Variants in MCOLN2 observed in about 807,000 individuals in gnomAD.
MCOLN2 encodes the protein mucolipin TRP cation channel 2.
A neutral mutation model predicts 67.5 loss-of-function variants in MCOLN2; 57 were observed. That is an observed-to-expected ratio of 0.84 (90% confidence interval 0.68 to 1.05). The LOEUF (loss-of-function observed/expected upper bound fraction) is 1.05. Among genes scored for constraint, MCOLN2 ranks in the 50% least tolerant of loss-of-function variants. The probability of loss-of-function intolerance (pLI) is 0.00; values close to 1 mark genes in which losing one functional copy is unlikely to be tolerated. For synonymous variants in MCOLN2, 246 were observed against 233.3 expected, an observed-to-expected ratio of 1.05 and a Z score of -0.50; for missense variants, 620 against 678.8, an observed-to-expected ratio of 0.91 and a Z score of 0.96.
intron 1 of MCOLN2, among the ~76,000 whole-genome samples, chr1:84,971,599 A>T (rs866564149): frequency 2.0e-4 from 31 of 152,088 alleles, no homozygotes; most frequent in African/African-American, 7.2e-4. Context: ...TGCAAAGTAA[A>T]GAGGGAAAAA....
rs1422711006 is a variant in MCOLN2, at chr1:84,931,605, G to A, written c.1336-37C>T. The A allele has an allele frequency of 2.1e-5, 32 of 1,533,976 alleles. No individual in the cohort carries two copies. The Admixed American group carries it at 5.2e-4, about 25-fold the overall frequency. ...AATAAAAACTAGTTTCTGAAATAGAGTATTCTAAAAAGCAGAGGATATCTA... is the reference window on the plus strand; with the variant it reads ...AATAAAAACTAGTTTCTGAAATAGAATATTCTAAAAAGCAGAGGATATCTA... On this transcript the variant is annotated intron_variant, in intron 11 of 13. Transcript: ENST00000370608.
rs1256532669 is a variant in MCOLN2 at position 84,929,932 on chromosome 1, T to TA, written c.1543-254_1543-253insT. ...GAGAAGAGCCAGGGAGAGGTTTTTT[T>TA]TAAAAAAAAAAAAGGTAATGAAGGA... On this transcript the variant is annotated intron_variant, in intron 12 of 13. Transcript: ENST00000370608. 2,146 of 229,552 alleles carry TA rather than the reference T, an allele frequency of 9.3e-3. 2 individuals are homozygous for TA. The highest frequency in any genetic ancestry group is 0.019 in the Middle Eastern group (13 of 696). The allele number at this position is 229,552 out of a possible 1,614,324, so 14.2% of individuals were successfully genotyped here. A position where few individuals can be genotyped will look rare whatever the true frequency, so the allele number is the denominator to read the frequency against.
In MCOLN2 at chr1:84,971,499, T is replaced by TACAC. The variant is rs71097870; in HGVS notation, c.78-5795_78-5792dup. Reference sequence around the variant, plus strand: ...GTAGATGAAGGGTATTAAACAGACATACACACACACACACACACACACACA... The same window carrying TACAC: ...GTAGATGAAGGGTATTAAACAGACATACACACACACACACACACACACACACACA... On this transcript the variant is annotated intron_variant, in intron 1 of 13. Transcript: ENST00000370608. Among the ~76,000 whole-genome samples the TACAC allele has an allele frequency of 8.7e-3, 1,148 of 132,218 alleles. 8 individuals are homozygous for TACAC. The highest frequency in any genetic ancestry group is 0.012 in the South Asian group (44 of 3,734). 86.7% of individuals were successfully genotyped at this position (132,218 alleles called of 152,430 possible). A position where few individuals can be genotyped will look rare whatever the true frequency, so the allele number is the denominator to read the frequency against.
intron 8 of MCOLN2, 50 bp from the exon 9 acceptor site, chr1:84,939,752 G>T (rs1647644896): frequency 6.3e-7 from 1 of 1,590,198 alleles, no homozygotes; most frequent in South Asian, 1.1e-5. Context: ...ACTGCCCTCT[G>T]GAAGAAGAAG....
Position 84,952,136 on chromosome 1 carries a change from A to C in MCOLN2, c.747+107T>G, listed in dbSNP as rs680330. On this transcript the variant is annotated intron_variant, in intron 6 of 13. Coordinates refer to ENST00000370608, the MANE Select transcript of MCOLN2 (RefSeq NM_153259.4). ...TTGTATCACTAAATCTGTTTTAAACATGACTGCATTTAACACATCTGTAGG... is the reference window on the plus strand; with the variant it reads ...TTGTATCACTAAATCTGTTTTAAACCTGACTGCATTTAACACATCTGTAGG... 14,644 of 692,348 alleles carry C rather than the reference A, an allele frequency of 0.021. 1,667 individuals carry two copies. The African/African-American group carries it at 0.24, about 11-fold the overall frequency. 42.9% of individuals were successfully genotyped at this position (692,348 alleles called of 1,614,324 possible).
intron 7 of MCOLN2, among the ~76,000 whole-genome samples, chr1:84,945,070 T>C (rs914132831): frequency 7.1e-6 from 1 of 141,012 alleles, no homozygotes; most frequent in Non-Finnish European, 1.5e-5. Flanking sequence ...TATGTAAATC[T>C]TAAAAGAGCT....
At position 84,965,654 on chromosome 1, in the gene MCOLN2, G is replaced by A; in HGVS notation, c.132C>T (p.Asp44=). The part of the protein sequence containing the change: ...SEMKEECLRE[D]LKFYFMSPCE... ...AAGGGCTCATGAAGTAAAACTTCAGGTCTTCCCTTAGACATTCTTCTTTCA... is the reference window on the plus strand; with the variant it reads ...AAGGGCTCATGAAGTAAAACTTCAGATCTTCCCTTAGACATTCTTCTTTCA... Residue 44 remains aspartate, a synonymous_variant, in exon 2 of 14, where the codon GAC becomes GAT. Coordinates refer to ENST00000370608, the MANE Select transcript of MCOLN2 (RefSeq NM_153259.4). The A allele has an allele frequency of 6.2e-7, 1 of 1,613,940 alleles. No homozygotes were observed. The highest frequency in any genetic ancestry group is 8.5e-7 in the Non-Finnish European group (1 of 1,179,894).
At position 84,925,853 on chromosome 1, in the gene MCOLN2, A is replaced by G. The variant is rs1236418794; in HGVS notation, c.*832T>C. 1 of 151,840 alleles carries G rather than the reference A, an allele frequency of 6.6e-6. No individual in the cohort carries two copies. The highest frequency in any genetic ancestry group is 1.5e-5 in the Non-Finnish European group (1 of 68,030). The allele number at this position is 151,840 out of a possible 1,614,324, so 9.4% of individuals were successfully genotyped here. A position where few individuals can be genotyped will look rare whatever the true frequency, so the allele number is the denominator to read the frequency against. ...CAGGAAAACAGGCCAAGAAATGTCC[A>G]CTGCATGAGCATGAGGTCTTTTTGT... On this transcript the variant is annotated 3_prime_UTR_variant, in exon 14 of 14. Coordinates refer to ENST00000370608, the MANE Select transcript of MCOLN2 (RefSeq NM_153259.4).
In MCOLN2 at chr1:84,997,080, G is replaced by C; in HGVS notation, c.-208C>G. On this transcript the variant is annotated 5_prime_UTR_variant, in exon 1 of 14. Coordinates refer to ENST00000370608, the MANE Select transcript of MCOLN2 (RefSeq NM_153259.4). ...GCGCCGCAGTCGTGGAGTGCGGCGG[G>C]CAGTTCTCGGGCGGCTGAAAGGCGG... is the stretch of plus-strand genomic sequence containing the variant. 5.1e-6 allele frequency: 3 copies of C among 586,890 alleles called. No individual in the cohort carries two copies. Among genetic ancestry groups the C allele is most frequent in the Non-Finnish European group, 9.0e-6 (3 of 331,768 alleles). 36.4% of individuals were successfully genotyped at this position (586,890 alleles called of 1,614,324 possible).
chr1:84,939,548 C>A lies in MCOLN2; in HGVS notation c.1110+5G>T. On this transcript the variant is annotated splice_donor_5th_base_variant and intron_variant, in intron 9 of 13. Transcript: ENST00000370608. ...GAACAGAGACTTTAAATGGGCTTCC[C>A]TCACCTTTGCTTTGATTTCCATTTT... 1 of 1,613,720 alleles carries A rather than the reference C, an allele frequency of 6.2e-7. No individual in the cohort carries two copies. Among genetic ancestry groups the A allele is most frequent in the South Asian group, 1.1e-5 (1 of 91,032 alleles).
rs867348720 is a variant in MCOLN2 at position 84,996,863 on chromosome 1, G to A, written c.10C>T (p.Gln4Ter). The A allele has an allele frequency of 2.5e-6, 4 of 1,614,084 alleles. No individual in the cohort carries two copies. The highest frequency in any genetic ancestry group is 1.3e-5 in the African/African-American group (1 of 75,064). MAR[Q>*]PYRFPQARIP... ...CTTGCCTGGGGAAAACGATAAGGCTGCCGGGCCATGCCTCCTCCTTCAAAA... is the reference window on the plus strand; with the variant it reads ...CTTGCCTGGGGAAAACGATAAGGCTACCGGGCCATGCCTCCTCCTTCAAAA... Residue 4 changes from glutamine (Q) to a stop codon, truncating the protein, a stop_gained, in exon 1 of 14, where the codon CAG becomes TAG. Transcript: ENST00000370608. LOFTEE classifies it high-confidence loss of function.
intron 7 of MCOLN2, among the ~76,000 whole-genome samples, chr1:84,942,168 A>G (rs1416890360): frequency 1.3e-5 from 2 of 152,148 alleles, no homozygotes; most frequent in Non-Finnish European, 2.9e-5. Context: ...AATTCCTTAA[A>G]TTCTCATCTC....
chr1:84,963,513 T>C (rs1426347883), intron 2 of MCOLN2, among the ~76,000 whole-genome samples: 1 of 152,144 alleles, frequency 6.6e-6, no homozygotes, highest in African/African-American at 2.4e-5. Context: ...TGGTTTATAT[T>C]TGTGTCCCTG....
intron 1 of MCOLN2, among the ~76,000 whole-genome samples, chr1:84,993,943 T>C (rs1651022606): frequency 6.6e-6 from 1 of 152,162 alleles, no homozygotes; most frequent in African/African-American, 2.4e-5. Context: ...TAATAAGTCT[T>C]GAAAGTTGAA....
intron 11 of MCOLN2, among the ~76,000 whole-genome samples, chr1:84,933,396 T>C (rs945821439): frequency 2.0e-5 from 3 of 152,172 alleles, no homozygotes; most frequent in Non-Finnish European, 4.4e-5. Context: ...ATCCCACCCA[T>C]GGCTTTGCTG....
At chr1:84,956,101 C>T (rs1648767370) in intron 4 of MCOLN2, among the ~76,000 whole-genome samples, 1 of 151,972 alleles carries the variant, frequency 6.6e-6, no homozygotes, top group African/African-American at 2.4e-5. Context: ...TATATTATTT[C>T]ATTTAACACA....
chr1:84,940,156 C>G lies in MCOLN2; in HGVS notation c.961-454G>C, dbSNP rs143243553. Reference sequence around the variant, plus strand: ...CCCCCTCACCTTGGCAGGGAAAGGACCTTAACTTTGCATTCAGAATATCAA... The same window carrying G: ...CCCCCTCACCTTGGCAGGGAAAGGAGCTTAACTTTGCATTCAGAATATCAA... On this transcript the variant is annotated intron_variant, in intron 8 of 13. Coordinates refer to ENST00000370608, the MANE Select transcript of MCOLN2 (RefSeq NM_153259.4). Among the ~76,000 whole-genome samples the G allele has an allele frequency of 1.2e-3, 189 of 151,836 alleles. 1 individual carries two copies. The highest frequency in any genetic ancestry group is 3.6e-3 in the African/African-American group (150 of 41,388).
intron 1 of MCOLN2, among the ~76,000 whole-genome samples, chr1:84,995,885 A>AT (rs1651125301): frequency 6.6e-6 from 1 of 152,080 alleles, no homozygotes; most frequent in Non-Finnish European, 1.5e-5. Flanking sequence ...GGATTCACTC[A>AT]TTTTTTATTA....
At chr1:84,987,416 G>T in intron 1 of MCOLN2, among the ~76,000 whole-genome samples, 1 of 115,160 alleles carries the variant, frequency 8.7e-6, no homozygotes, top group Non-Finnish European at 1.7e-5. Context: ...ATTTATATAT[G>T]TATATACCTA....
Sources: gnomAD v4.1 joint callset for allele counts (sites outside exome capture counted in the v4.1 genomes callset) on GRCh38, gnomAD v4.1.1 for gene constraint, MANE v1.5 for transcripts, NCBI Gene and HGNC (gene_info 2026-07-23, HGNC 2026-07-21) for gene names.